The following NPY2R variants were observed in gnomAD, a reference collection of about 807,000 sequenced individuals.
The protein encoded by NPY2R is neuropeptide Y receptor type 2.
A neutral mutation model predicts 22.3 loss-of-function variants in NPY2R; 17 were observed. The ratio of observed to expected loss-of-function variants is 0.76; its 90% CI spans 0.52 to 1.14. The LOEUF (loss-of-function observed/expected upper bound fraction) is 1.14. NPY2R is among the 50% of genes most tolerant of loss of function. The pLI is 0.00. For missense variants in NPY2R, 424 were observed against 467.9 expected, an observed-to-expected ratio of 0.91 and a Z score of 0.87; for synonymous variants, 209 against 183.4, an observed-to-expected ratio of 1.14 and a Z score of -1.13.
the NPY2R span, among the ~76,000 whole-genome samples, chr4:155,197,834 A>C: frequency 2.5e-3 from 386 of 152,132 alleles, 2 homozygotes; most frequent in African/African-American, 9.0e-3. Context: ...AGATAGGTCC[A>C]TTTGAAAAAC....
In NPY2R at chr4:155,215,060, C is replaced by T. The variant is rs1729487782; in HGVS notation, c.1121C>T (p.Ser374Phe). ...EVRKNSGPNDSFTEATNV is the reference protein window; with the variant it reads ...EVRKNSGPNDFFTEATNV ...AGAAAGAACAGTGGCCCCAATGACTCTTTCACAGAGGCTACCAATGTCTAA... is the reference window on the plus strand; with the variant it reads ...AGAAAGAACAGTGGCCCCAATGACTTTTTCACAGAGGCTACCAATGTCTAA... The change falls in exon 2 of 2, where the codon TCT becomes TTT. Residue 374 changes from serine to phenylalanine, a missense_variant. Coordinates refer to ENST00000329476, the MANE Select transcript of NPY2R (RefSeq NM_000910.4). The T allele has an allele frequency of 2.5e-6, 4 of 1,613,264 alleles. No homozygotes were observed. The South Asian group carries it at 4.4e-5, about 18-fold the overall frequency.
the NPY2R span, among the ~76,000 whole-genome samples, chr4:155,178,945 A>T: frequency 1.3e-5 from 2 of 152,264 alleles, no homozygotes; most frequent in East Asian, 1.9e-4. Context: ...GTGTATAATT[A>T]GTGCTTTTTT....
At chr4:155,189,001 A>T in the NPY2R span, among the ~76,000 whole-genome samples, 258 of 152,210 alleles carry the variant, frequency 1.7e-3, 2 homozygotes, top group African/African-American at 6.0e-3. Flanking sequence ...ACCTCTTTAA[A>T]TGTGGGATGG....
Position 155,214,378 on chromosome 4 carries a change from G to C in NPY2R, c.439G>C (p.Asp147His). ...STITLTVIAL[D>H]RHRCIVYHLE... ...AATCACCTTGACAGTAATTGCCCTG[G>C]ACCGGCACAGGTGCATCGTCTACCA... Residue 147 changes from aspartate (D) to histidine (H), a missense_variant, in exon 2 of 2, where the codon GAC (aspartate) becomes CAC (histidine). Asp to His is a moderately conservative substitution (Grantham distance 81, BLOSUM62 -1). Transcript: ENST00000329476. The C allele has an allele frequency of 6.2e-7, 1 of 1,614,078 alleles. No homozygotes were observed. Among genetic ancestry groups the C allele is most frequent in the East Asian group, 2.2e-5 (1 of 44,870 alleles).
chr4:155,182,291 A>G, the NPY2R span, among the ~76,000 whole-genome samples: 6 of 152,160 alleles, frequency 3.9e-5, no homozygotes, highest in Non-Finnish European at 8.8e-5. Flanking sequence ...TCTTAGCTGT[A>G]TATATATTTA....
chr4:155,209,866 C>A (rs1729366052), intron 1 of NPY2R, among the ~76,000 whole-genome samples: 1 of 152,122 alleles, frequency 6.6e-6, no homozygotes, highest in Non-Finnish European at 1.5e-5. Context: ...AAAGCCCCCA[C>A]AGATTTAAAC....
At chr4:155,211,808 AG>A (rs547381520) in intron 1 of NPY2R, among the ~76,000 whole-genome samples, 45 of 152,330 alleles carry the variant, frequency 3.0e-4, no homozygotes, top group African/African-American at 1.0e-3. Flanking sequence ...AGTGTGACCA[AG>A]GCCCCCGGAA....
At chr4:155,189,043 A>G in the NPY2R span, among the ~76,000 whole-genome samples, 70,808 of 151,830 alleles carry the variant, frequency 0.47, 17,218 homozygotes, top group East Asian at 0.69. Context: ...TTTTTAAAGC[A>G]CTTCATGTAA....
intron 1 of NPY2R, among the ~76,000 whole-genome samples, chr4:155,213,501 T>G (rs1407610905): frequency 6.6e-6 from 1 of 152,190 alleles, no homozygotes; most frequent in Non-Finnish European, 1.5e-5. Context: ...AAACTTTACT[T>G]TTTTATCTAC....
chr4:155,183,468 A>T, the NPY2R span, among the ~76,000 whole-genome samples: 64,324 of 151,956 alleles, frequency 0.42, 14,042 homozygotes, highest in East Asian at 0.69. Flanking sequence ...AAGGAAATAC[A>T]CTCCAAGTTG....
In NPY2R at chr4:155,214,573, A is replaced by G; in HGVS notation, c.634A>G (p.Lys212Glu). ...TACTGAAAAGTGGCCTGGCGAGGAGAAGAGCATCTATGGCACTGTCTATAG... is the reference window on the plus strand; with the variant it reads ...TACTGAAAAGTGGCCTGGCGAGGAGGAGAGCATCTATGGCACTGTCTATAG... Reference protein sequence around the residue: ...ACTEKWPGEEKSIYGTVYSLS... With the variant: ...ACTEKWPGEEESIYGTVYSLS... Residue 212 changes from lysine (K) to glutamate (E), a missense_variant, in exon 2 of 2, where the codon AAG becomes GAG. Physicochemically the swap from Lys to Glu is moderately conservative, Grantham distance 56. Coordinates refer to ENST00000329476, the MANE Select transcript of NPY2R (RefSeq NM_000910.4). The G allele has an allele frequency of 6.2e-7, 1 of 1,614,172 alleles. No individual in the cohort carries two copies. Among genetic ancestry groups the G allele is most frequent in the Non-Finnish European group, 8.5e-7 (1 of 1,180,044 alleles).
chr4:155,200,406 G>T, the NPY2R span, among the ~76,000 whole-genome samples: 78 of 152,242 alleles, frequency 5.1e-4, no homozygotes, highest in Admixed American at 1.7e-3. Flanking sequence ...CACTGTTTGG[G>T]ATTGTAAATT....
Position 155,214,965 on chromosome 4 carries a change from T to G in NPY2R, c.1026T>G (p.Cys342Trp). Residue 342 changes from cysteine (C) to tryptophan (W), a missense_variant, in exon 2 of 2, where the codon TGT becomes TGG. By Grantham distance (215) the Cys-to-Trp change is radical. Coordinates refer to ENST00000329476, the MANE Select transcript of NPY2R (RefSeq NM_000910.4). ...AGGCTTTCCTCTCGGCCTTCCGCTGTGAGCAGCGGTTGGATGCCATTCACT... is the reference window on the plus strand; with the variant it reads ...AGGCTTTCCTCTCGGCCTTCCGCTGGGAGCAGCGGTTGGATGCCATTCACT... ...YRKAFLSAFR[C>W]EQRLDAIHSE... 6.2e-7 allele frequency: 1 copy of G among 1,614,150 alleles called. No individual in the cohort carries two copies. The highest frequency in any genetic ancestry group is 8.5e-7 in the Non-Finnish European group (1 of 1,179,964).
chr4:155,215,884 C>T lies in NPY2R; in HGVS notation c.*799C>T, dbSNP rs112557709. Reference sequence around the variant, plus strand: ...TAGATAACAAGAATACAACTTGATACTTTTATTGTTATACCTTTTTGAACA... The same window carrying T: ...TAGATAACAAGAATACAACTTGATATTTTTATTGTTATACCTTTTTGAACA... On this transcript the variant is annotated 3_prime_UTR_variant, in exon 2 of 2. Transcript: ENST00000329476. The T allele has an allele frequency of 4.8e-4, 81 of 167,090 alleles. No individual in the cohort carries two copies. Among genetic ancestry groups the T allele is most frequent in the African/African-American group, 1.9e-3 (79 of 41,562 alleles). The allele number at this position is 167,090 out of a possible 1,614,324, so 10.4% of individuals were successfully genotyped here. A position where few individuals can be genotyped will look rare whatever the true frequency, so the allele number is the denominator to read the frequency against.
At chr4:155,176,711 G>A in the NPY2R span, among the ~76,000 whole-genome samples, 1 of 152,198 alleles carries the variant, frequency 6.6e-6, no homozygotes, top group Admixed American at 6.5e-5. Context: ...GCACACACTA[G>A]ATAATTTATA....
chr4:155,182,240 G>A, the NPY2R span, among the ~76,000 whole-genome samples: 1 of 152,036 alleles, frequency 6.6e-6, no homozygotes, highest in Non-Finnish European at 1.5e-5. Flanking sequence ...TTAAAACTGG[G>A]TATAATTTGA....
At chr4:155,211,448 A>C (rs923156884) in intron 1 of NPY2R, among the ~76,000 whole-genome samples, 1 of 152,126 alleles carries the variant, frequency 6.6e-6, no homozygotes, top group African/African-American at 2.4e-5. Flanking sequence ...AGTGGACAGT[A>C]TATATTGGGC....
chr4:155,180,927 G>A, the NPY2R span, among the ~76,000 whole-genome samples: 1 of 151,856 alleles, frequency 6.6e-6, no homozygotes, highest in Non-Finnish European at 1.5e-5. Context: ...CGTTTTATTG[G>A]TGATTCAAGT....
chr4:155,184,477 A>T, the NPY2R span, among the ~76,000 whole-genome samples: 1 of 152,190 alleles, frequency 6.6e-6, no homozygotes, highest in African/African-American at 2.4e-5. Flanking sequence ...AAGGCTAAAA[A>T]ACAAAGCTAA....
Sources: gnomAD v4.1 joint callset for allele counts (sites outside exome capture counted in the v4.1 genomes callset) on GRCh38, gnomAD v4.1.1 for gene constraint, MANE v1.5 for transcripts, NCBI Gene and HGNC (gene_info 2026-07-23, HGNC 2026-07-21) for gene names.